The following SEMA6D variants were observed in gnomAD, a reference collection of about 807,000 sequenced individuals.
The protein encoded by SEMA6D is semaphorin-6D.
In SEMA6D, 35 loss-of-function variants were observed where a neutral mutation model predicts 106.6. That is an observed-to-expected ratio of 0.33 (90% CI 0.25 to 0.44). The LOEUF (loss-of-function observed/expected upper bound fraction) is 0.44. Among genes scored for constraint, SEMA6D ranks in the 20% least tolerant of loss-of-function variants. The probability of loss-of-function intolerance (pLI) is 1.00; values close to 1 mark genes in which losing one functional copy is unlikely to be tolerated. For synonymous variants in SEMA6D, 499 were observed against 487.7 expected (o/e 1.02, Z -0.31); for missense variants, 1,185 against 1,345.9 (o/e 0.88, Z 1.87).
chr15:47,765,257 G>A, intron 13 of SEMA6D: 1 of 1,348,830 alleles, frequency 7.4e-7, no homozygotes, highest in East Asian at 2.9e-5. Flanking sequence ...TGGTTGATGA[G>A]TTTAAAAATA....
chr15:47,596,520 G>T (rs563171329), intron 3 of SEMA6D, among the ~76,000 whole-genome samples: 302 of 152,180 alleles, frequency 2.0e-3, no homozygotes, highest in Non-Finnish European at 3.6e-3. Context: ...CACACTATTT[G>T]ACTTTAAACT....
intron 1 of SEMA6D, among the ~76,000 whole-genome samples, chr15:47,327,346 C>T (rs2037172474): frequency 6.6e-6 from 1 of 152,182 alleles, no homozygotes; most frequent in South Asian, 2.1e-4. Flanking sequence ...TAGTTCTTTT[C>T]ATTTCATTAA....
At chr15:47,766,846 A>T (rs2082368903) in intron 16 of SEMA6D, among the ~76,000 whole-genome samples, 169 bp downstream of exon 16, 1 of 152,138 alleles carries the variant, frequency 6.6e-6, no homozygotes, top group African/African-American at 2.4e-5. Context: ...ATTAGAAAAG[A>T]GGCTTACTTT....
chr15:47,617,100 A>G (rs1365994666), intron 4 of SEMA6D, among the ~76,000 whole-genome samples: 3 of 152,192 alleles, frequency 2.0e-5, no homozygotes, highest in Non-Finnish European at 4.4e-5. Context: ...TGCTTGCCAA[A>G]GTCATCACTC....
intron 4 of SEMA6D, among the ~76,000 whole-genome samples, chr15:47,658,135 A>G (rs546323026): frequency 2.6e-4 from 39 of 152,278 alleles, no homozygotes; most frequent in African/African-American, 9.1e-4. Context: ...TTTATGATGC[A>G]AATGAAGTTT....
intron 2 of SEMA6D, among the ~76,000 whole-genome samples, chr15:47,466,060 G>A (rs889435416): frequency 6.6e-6 from 1 of 152,008 alleles, no homozygotes; most frequent in African/African-American, 2.4e-5. Flanking sequence ...ATGTATTCAA[G>A]GTATGCAAAA....
At chr15:47,743,820 T>A (rs2147114708) in intron 1 of SEMA6D, among the ~76,000 whole-genome samples, 1 of 152,300 alleles carries the variant, frequency 6.6e-6, no homozygotes, top group East Asian at 1.9e-4. Flanking sequence ...ATCCAAATGC[T>A]GTCCTCTGGT....
At chr15:47,217,249 A>G (rs62017402) in intron 1 of SEMA6D, among the ~76,000 whole-genome samples, 1,849 of 152,300 alleles carry the variant, frequency 0.012, 40 homozygotes, top group Admixed American at 0.012. Flanking sequence ...AATTGGCACA[A>G]TGTTTCTGAA....
intron 1 of SEMA6D, among the ~76,000 whole-genome samples, chr15:47,311,488 A>AT (rs1486316757): frequency 2.6e-5 from 4 of 151,938 alleles, no homozygotes; most frequent in African/African-American, 7.3e-5. Flanking sequence ...GGTTATGTGG[A>AT]TTTTTTTTAC....
chr15:47,560,620 A>G (rs2046050782), intron 3 of SEMA6D, among the ~76,000 whole-genome samples: 1 of 151,982 alleles, frequency 6.6e-6, no homozygotes, highest in Admixed American at 6.6e-5. Flanking sequence ...TTTAGAGGGG[A>G]AAAAAAAGTA....
At chr15:47,445,655 G>A (rs985664483) in intron 2 of SEMA6D, among the ~76,000 whole-genome samples, 9 of 151,870 alleles carry the variant, frequency 5.9e-5, no homozygotes, top group African/African-American at 1.9e-4. Context: ...TTGCTGAACC[G>A]TTCCCCTTTT....
chr15:47,369,886 C>T (rs993687011), intron 1 of SEMA6D, among the ~76,000 whole-genome samples: 1 of 152,160 alleles, frequency 6.6e-6, no homozygotes, highest in Non-Finnish European at 1.5e-5. Context: ...GCTTGAAAAC[C>T]AGAAATGCTT....
chr15:47,337,165 G>T (rs1305048435), intron 1 of SEMA6D, among the ~76,000 whole-genome samples: 2 of 152,136 alleles, frequency 1.3e-5, no homozygotes, highest in African/African-American at 4.8e-5. Context: ...GAATCAGCAA[G>T]CAGATATCCC....
chr15:47,357,948 C>A (rs953428087), intron 1 of SEMA6D, among the ~76,000 whole-genome samples: 9 of 152,158 alleles, frequency 5.9e-5, no homozygotes, highest in African/African-American at 1.9e-4. Flanking sequence ...CAAAATTATT[C>A]TTAATAGAAA....
intron 4 of SEMA6D, among the ~76,000 whole-genome samples, chr15:47,703,460 T>C (rs1328450394): frequency 1.3e-5 from 2 of 152,144 alleles, no homozygotes; most frequent in African/African-American, 4.8e-5. Context: ...GTATCAATAA[T>C]AACATATTTT....
At chr15:47,714,543 A>T (rs2079075224), upstream of SEMA6D, among the ~76,000 whole-genome samples, 1 of 152,222 alleles carries the variant, frequency 6.6e-6, no homozygotes, top group Non-Finnish European at 1.5e-5. Context: ...GTTATGCTTC[A>T]AACTGGACTG....
At chr15:47,656,854 C>T (rs899711005) in intron 4 of SEMA6D, among the ~76,000 whole-genome samples, 5 of 152,128 alleles carry the variant, frequency 3.3e-5, no homozygotes, top group South Asian at 2.1e-4. Context: ...AGCATGGTGG[C>T]ATCAGTTAGA....
intron 1 of SEMA6D, among the ~76,000 whole-genome samples, chr15:47,335,892 C>T (rs1320647633): frequency 2.6e-5 from 4 of 152,136 alleles, no homozygotes; most frequent in East Asian, 1.9e-4. Context: ...TCAAGTGGAC[C>T]GGATGGAGCC....
chr15:47,750,620 G>A (rs1304703292), intron 1 of SEMA6D, among the ~76,000 whole-genome samples: 3 of 152,226 alleles, frequency 2.0e-5, no homozygotes, highest in African/African-American at 7.2e-5. Context: ...CAGGGCTTCA[G>A]CTGTGTGGAA....
Sources: gnomAD v4.1 joint callset for allele counts (sites outside exome capture counted in the v4.1 genomes callset) on GRCh38, gnomAD v4.1.1 for gene constraint, MANE v1.5 for transcripts, NCBI Gene and HGNC (gene_info 2026-07-23, HGNC 2026-07-21) for gene names.